The following MTHFD1L variants were observed in gnomAD, a reference collection of about 807,000 sequenced individuals.
The protein encoded by MTHFD1L is monofunctional C1-tetrahydrofolate synthase, mitochondrial.
In MTHFD1L, 81 loss-of-function variants were observed where a neutral mutation model predicts 119.5. That is an observed-to-expected ratio of 0.68 (90% CI 0.57 to 0.82). The LOEUF is 0.82. Ranked by LOEUF, MTHFD1L falls within the 40% of genes least tolerant of loss-of-function variation. The pLI is 0.00. For missense variants in MTHFD1L, 1,125 were observed against 1,253.4 expected (o/e 0.90, Z 1.55); for synonymous variants, 430 against 475.2 (o/e 0.90, Z 1.24).
At chr6:150,880,646 A>T (rs1583344397) in intron 4 of MTHFD1L, among the ~76,000 whole-genome samples, 1 of 152,154 alleles carries the variant, frequency 6.6e-6, no homozygotes, top group African/African-American at 2.4e-5. Flanking sequence ...GTCATATGGT[A>T]GTTGTTTTTT....
At chr6:150,952,540 CT>C (rs201447757) in intron 16 of MTHFD1L, among the ~76,000 whole-genome samples, 1 of 151,322 alleles carries the variant, frequency 6.6e-6, no homozygotes, top group African/African-American at 2.4e-5. Context: ...ATTGTTTCAT[CT>C]TTTTTTTTGA....
chr6:151,096,512 C>T (rs1265022232), intron 27 of MTHFD1L, among the ~76,000 whole-genome samples: 3 of 152,198 alleles, frequency 2.0e-5, no homozygotes, highest in African/African-American at 4.8e-5. Context: ...TCCCGTGCCT[C>T]TCACTATAGC....
chr6:151,043,408 G>A (rs1368856454), intron 26 of MTHFD1L, among the ~76,000 whole-genome samples: 3 of 151,826 alleles, frequency 2.0e-5, no homozygotes, highest in Non-Finnish European at 4.4e-5. Flanking sequence ...GGGACTACAG[G>A]TATATGCCAC....
chr6:150,898,465 T>C (rs1408338499), intron 7 of MTHFD1L, among the ~76,000 whole-genome samples: 2 of 152,170 alleles, frequency 1.3e-5, no homozygotes, highest in Non-Finnish European at 2.9e-5. Context: ...AATCTGTCTG[T>C]GTGCAATGTG....
chr6:150,950,829 G>T lies in MTHFD1L; in HGVS notation c.1726+1696G>T, dbSNP rs140686419. ...GGATTACAGGCACACACCACCACAC[G>T]TGGCTAATTTTTGTATTTTACTAGA... On this transcript the variant is annotated intron_variant, in intron 16 of 27. Coordinates refer to ENST00000367321, the MANE Select transcript of MTHFD1L (RefSeq NM_015440.5). 1.6e-3 allele frequency among the ~76,000 whole-genome samples: 236 copies of T among 151,952 alleles called. 1 individual carries two copies. The highest frequency in any genetic ancestry group is 5.5e-3 in the African/African-American group (230 of 41,478).
intron 19 of MTHFD1L, among the ~76,000 whole-genome samples, chr6:150,967,084 G>A (rs1797317520): frequency 6.7e-6 from 1 of 148,416 alleles, no homozygotes; most frequent in Non-Finnish European, 1.5e-5. Context: ...ATCTTAAAAA[G>A]CAAACAAAAA....
Position 150,974,010 on chromosome 6 carries a change from A to G in MTHFD1L, c.2125+1952A>G, listed in dbSNP as rs144037996. 4.1e-3 allele frequency among the ~76,000 whole-genome samples: 628 copies of G among 152,376 alleles called. 7 individuals carry two copies. Among genetic ancestry groups the G allele is most frequent in the African/African-American group, 0.014 (570 of 41,584 alleles). On this transcript the variant is annotated intron_variant, in intron 20 of 27. Coordinates refer to ENST00000367321, the MANE Select transcript of MTHFD1L (RefSeq NM_015440.5). ...GTCAGCAATTATACTAATTCTTTCTATGATCTCATCTAGTCTAAGATGCCG... is the reference window on the plus strand; with the variant it reads ...GTCAGCAATTATACTAATTCTTTCTGTGATCTCATCTAGTCTAAGATGCCG...
At position 150,926,428 on chromosome 6, in the gene MTHFD1L, T is replaced by C; in HGVS notation, c.1256+133T>C. The stretch of plus-strand genomic sequence containing the variant: ...CATTTCGTCCATTTCATTTGGCATT[T>C]CTTTATTTGGTGTGAGATAAGTTTT... On this transcript the variant is annotated intron_variant, in intron 11 of 27. Coordinates refer to ENST00000367321, the MANE Select transcript of MTHFD1L (RefSeq NM_015440.5). This position sits in a 1 kb window ranked among gnomAD's most constrained non-coding sequence, Gnocchi z 4.3. 1 of 881,806 alleles carries C rather than the reference T, an allele frequency of 1.1e-6. No individual in the cohort carries two copies. Among genetic ancestry groups the C allele is most frequent in the South Asian group, 2.1e-5 (1 of 48,472 alleles). The allele number at this position is 881,806 out of a possible 1,614,324, so 54.6% of individuals were successfully genotyped here.
intron 24 of MTHFD1L, among the ~76,000 whole-genome samples, chr6:151,031,150 G>C (rs996263284): frequency 1.3e-5 from 2 of 152,194 alleles, no homozygotes; most frequent in African/African-American, 4.8e-5. Flanking sequence ...CTCCAGGCAA[G>C]GACAGGTCAC....
At chr6:151,065,164 T>C (rs1428078379) in intron 26 of MTHFD1L, among the ~76,000 whole-genome samples, 4 of 152,180 alleles carry the variant, frequency 2.6e-5, no homozygotes, top group African/African-American at 9.7e-5. Context: ...TGGCGTTTAA[T>C]TTAGGAGTAT....
intron 8 of MTHFD1L, among the ~76,000 whole-genome samples, chr6:150,911,863 C>T (rs984815488): frequency 2.6e-5 from 4 of 152,042 alleles, no homozygotes; most frequent in Non-Finnish European, 4.4e-5. Flanking sequence ...TCTCATGAGA[C>T]GTATTTACTA....
chr6:150,890,223 T>C (rs1177013146), intron 7 of MTHFD1L, among the ~76,000 whole-genome samples: 1 of 152,180 alleles, frequency 6.6e-6, no homozygotes, highest in Non-Finnish European at 1.5e-5. Flanking sequence ...AGACAAAACT[T>C]GCCCATATAT....
chr6:150,913,709 T>G (rs1787345739), intron 8 of MTHFD1L, among the ~76,000 whole-genome samples: 1 of 152,164 alleles, frequency 6.6e-6, no homozygotes, highest in Admixed American at 6.5e-5. Flanking sequence ...TTGTGTTGTT[T>G]TTGGTCGAGT....
chr6:151,090,389 C>T (rs1451962518), intron 26 of MTHFD1L, among the ~76,000 whole-genome samples: 1 of 152,238 alleles, frequency 6.6e-6, no homozygotes, highest in Non-Finnish European at 1.5e-5. Context: ...CAGTTCACAT[C>T]AGAACCCCCT....
rs538449685 is a variant in MTHFD1L at position 150,925,816 on chromosome 6, C to G, written c.1083-306C>G. Among the ~76,000 whole-genome samples the G allele has an allele frequency of 1.2e-4, 18 of 152,272 alleles. No individual in the cohort carries two copies. In the South Asian group the frequency reaches 1.5e-3, roughly 12 times the overall value. ...CATTTTGCTCTGTAGTCGAATCACACTTGCAGGAGGGTTTTGGACACATTA... is the reference window on the plus strand; with the variant it reads ...CATTTTGCTCTGTAGTCGAATCACAGTTGCAGGAGGGTTTTGGACACATTA... On this transcript the variant is annotated intron_variant, in intron 10 of 27. Transcript: ENST00000367321.
At chr6:151,005,380 C>T (rs141557842) in intron 20 of MTHFD1L, among the ~76,000 whole-genome samples, 6 of 152,190 alleles carry the variant, frequency 3.9e-5, no homozygotes, top group African/African-American at 4.8e-5. Flanking sequence ...TGAATACAAA[C>T]GACATAAAAG....
At chr6:150,990,339 A>G (rs896721189) in intron 20 of MTHFD1L, among the ~76,000 whole-genome samples, 1 of 152,230 alleles carries the variant, frequency 6.6e-6, no homozygotes, top group South Asian at 2.1e-4. Flanking sequence ...TAAGTATCAG[A>G]ACAAGATAAC....
intron 26 of MTHFD1L, among the ~76,000 whole-genome samples, chr6:151,065,725 C>A (rs1791153006): frequency 6.6e-6 from 1 of 152,374 alleles, no homozygotes; most frequent in East Asian, 1.9e-4. Context: ...CCTAATCCAC[C>A]ACTGTGCCCA....
intron 20 of MTHFD1L, among the ~76,000 whole-genome samples, chr6:151,002,886 C>T (rs1240496907): frequency 6.6e-6 from 1 of 152,148 alleles, no homozygotes; most frequent in African/African-American, 2.4e-5. Flanking sequence ...GTGGATTATT[C>T]CTTGTTGGCG....
Sources: gnomAD v4.1 joint callset for allele counts (sites outside exome capture counted in the v4.1 genomes callset) on GRCh38, gnomAD v4.1.1 for gene constraint, Gnocchi (gnomAD v3.1) non-coding constraint, MANE v1.5 for transcripts, NCBI Gene and HGNC (gene_info 2026-07-23, HGNC 2026-07-21) for gene names.